UNC79: variants seen among roughly 807,000 people sequenced by gnomAD.
UNC79 encodes the protein unc-79 subunit of NALCN channel complex.
Under a neutral mutation model 283.1 loss-of-function variants are expected in UNC79, and 37 were observed. The ratio of observed to expected loss-of-function variants is 0.13; its 90% CI spans 0.10 to 0.17. UNC79 has a LOEUF of 0.17. Among genes scored for constraint, UNC79 ranks in the 10% least tolerant of loss-of-function variants. The pLI is 1.00. For synonymous variants in UNC79, 1,107 were observed against 1,200.2 expected (o/e 0.92, Z 1.61); for missense variants, 2,272 against 3,211.1 (o/e 0.71, Z 7.07).
At chr14:93,373,196 A>C (rs949262206) in intron 1 of UNC79, among the ~76,000 whole-genome samples, 2 of 152,248 alleles carry the variant, frequency 1.3e-5, no homozygotes, top group African/African-American at 4.8e-5. Flanking sequence ...CATTGAGTAC[A>C]TATGTTAGAA....
intron 1 of UNC79, among the ~76,000 whole-genome samples, chr14:93,448,060 C>A (rs1255730244): frequency 1.3e-5 from 2 of 152,036 alleles, no homozygotes; most frequent in African/African-American, 4.8e-5. Context: ...GCCATTATTT[C>A]TCAAATATTT....
chr14:93,684,883 G>A (rs1412132738), intron 42 of UNC79, among the ~76,000 whole-genome samples: 1 of 152,056 alleles, frequency 6.6e-6, no homozygotes, highest in Non-Finnish European at 1.5e-5. Flanking sequence ...CTTTTTAATC[G>A]TTAGTTTTCC....
chr14:93,693,824 T>TA, intron 46 of UNC79, among the ~76,000 whole-genome samples: 1 of 152,372 alleles, frequency 6.6e-6, no homozygotes, highest in East Asian at 1.9e-4. Flanking sequence ...AAATAGTCTG[T>TA]AATTGTCTGA....
At chr14:93,663,463 T>A (rs1017217241) in intron 40 of UNC79, among the ~76,000 whole-genome samples, 1 of 152,254 alleles carries the variant, frequency 6.6e-6, no homozygotes, top group Non-Finnish European at 1.5e-5. Flanking sequence ...GGTCTCTGTT[T>A]CTGTTGTTCT....
At chr14:93,691,827 G>T in exon 46 of UNC79, 1 of 1,614,178 alleles carries the variant, frequency 6.2e-7, no homozygotes, top group East Asian at 2.2e-5. Flanking sequence ...CGAGCAAAGT[G>T]CCGTCGCTAC....
intron 41 of UNC79, among the ~76,000 whole-genome samples, chr14:93,678,849 G>T (rs934214867): frequency 1.3e-5 from 2 of 152,184 alleles, no homozygotes; most frequent in Admixed American, 6.5e-5. Flanking sequence ...AAAAAGAGGC[G>T]TGGAGATAGG....
In UNC79 at chr14:93,638,613, G is replaced by C. The variant is rs60702443; in HGVS notation, c.5800+1314G>C. Reference sequence around the variant, plus strand: ...TCAAAATCTTCAGCTTCAAAGTTGGGCTCTGGAGGTGGGCCCCTCTTCATT... The same window carrying C: ...TCAAAATCTTCAGCTTCAAAGTTGGCCTCTGGAGGTGGGCCCCTCTTCATT... On this transcript the variant is annotated intron_variant, in intron 32 of 48. Transcript: ENST00000555664. 6.2e-3 allele frequency among the ~76,000 whole-genome samples: 938 copies of C among 152,278 alleles called. 7 individuals carry two copies. Among genetic ancestry groups the C allele is most frequent in the African/African-American group, 0.022 (897 of 41,556 alleles).
chr14:93,660,569 G>A (rs867118392), intron 39 of UNC79, among the ~76,000 whole-genome samples: 1,075 of 106,164 alleles, frequency 0.01, 17 homozygotes, highest in African/African-American at 0.039. Context: ...ATATATGTGT[G>A]TGTGTGTGTG....
intron 14 of UNC79, among the ~76,000 whole-genome samples, chr14:93,545,736 G>T (rs1311123868): frequency 6.6e-6 from 1 of 152,158 alleles, no homozygotes; most frequent in Non-Finnish European, 1.5e-5. Context: ...TGCCTGATGG[G>T]TTCTTCCTGC....
At chr14:93,421,141 A>G (rs1167984374) in intron 1 of UNC79, among the ~76,000 whole-genome samples, 1 of 151,688 alleles carries the variant, frequency 6.6e-6, no homozygotes, top group African/African-American at 2.4e-5. Context: ...GAAGAAAACA[A>G]CATAAAAATC....
At chr14:93,485,983 TG>T (rs1250376396) in intron 4 of UNC79, among the ~76,000 whole-genome samples, 3 of 152,254 alleles carry the variant, frequency 2.0e-5, no homozygotes, top group African/African-American at 7.2e-5. Context: ...ATTAGTGTTT[TG>T]ATGATTCTAT....
intron 14 of UNC79, among the ~76,000 whole-genome samples, chr14:93,550,459 G>A (rs866614831): frequency 2.9e-5 from 4 of 137,206 alleles, no homozygotes; most frequent in African/African-American, 8.2e-5. Context: ...AGGTTGCAGT[G>A]AGCCAAGATC....
At chr14:93,613,323 T>TGTGTGTGTGTGA (rs1055241438) in intron 27 of UNC79, among the ~76,000 whole-genome samples, 2 of 149,108 alleles carry the variant, frequency 1.3e-5, no homozygotes, top group African/African-American at 5.0e-5. Flanking sequence ...TGTGTGTGTG[T>TGTGTGTGTGTGA]GAGAGAGAGA....
chr14:93,550,990 T>A (rs1567096459), intron 14 of UNC79, among the ~76,000 whole-genome samples: 1 of 152,116 alleles, frequency 6.6e-6, no homozygotes, highest in Non-Finnish European at 1.5e-5. Flanking sequence ...ATCCCCGAGC[T>A]GGTTCCCCAA....
intron 29 of UNC79, 27 bp downstream of exon 30, chr14:93,618,381 C>G (rs373490587): frequency 6.3e-7 from 1 of 1,582,658 alleles, no homozygotes. Context: ...TATCCCAAAC[C>G]TAGCTTCAAT....
chr14:93,382,621 A>G (rs905970883), intron 1 of UNC79, among the ~76,000 whole-genome samples: 2 of 152,184 alleles, frequency 1.3e-5, no homozygotes, highest in Non-Finnish European at 1.5e-5. Flanking sequence ...CTTGGTGCCC[A>G]GCACCTGAAG....
intron 1 of UNC79, among the ~76,000 whole-genome samples, chr14:93,380,645 C>A (rs951412622): frequency 2.0e-5 from 3 of 152,184 alleles, no homozygotes; most frequent in African/African-American, 7.2e-5. Context: ...TCCATGAAGG[C>A]CAGATGTTGG....
intron 14 of UNC79, among the ~76,000 whole-genome samples, chr14:93,568,963 G>A (rs1467077104): frequency 7.2e-5 from 11 of 152,158 alleles, no homozygotes; most frequent in African/African-American, 2.4e-4. Context: ...AAAGTGGGCC[G>A]AGCTAAGGAA....
chr14:93,413,802 T>G (rs2140054414), intron 1 of UNC79, among the ~76,000 whole-genome samples: 1 of 130,204 alleles, frequency 7.7e-6, no homozygotes, highest in East Asian at 2.0e-4. Flanking sequence ...TTTTCATGTG[T>G]TTTTTGGCTG....
Sources: gnomAD v4.1 joint callset for allele counts (sites outside exome capture counted in the v4.1 genomes callset) on GRCh38, gnomAD v4.1.1 for gene constraint, MANE v1.5 for transcripts, NCBI Gene and HGNC (gene_info 2026-07-23, HGNC 2026-07-21) for gene names.